KIFC3: variants seen among roughly 807,000 people sequenced by gnomAD.
KIFC3 encodes kinesin-like protein KIFC3.
Under a neutral mutation model 101.8 loss-of-function variants are expected in KIFC3, and 60 were observed. The ratio of observed to expected loss-of-function variants is 0.59; its 90% CI spans 0.48 to 0.73. The LOEUF (loss-of-function observed/expected upper bound fraction) is 0.73, where lower values mean the gene tolerates loss of function less well. KIFC3 is among the 30% of genes least tolerant of loss of function. The pLI, the probability that KIFC3 is intolerant of heterozygous loss-of-function variation, is 0.00. For synonymous variants in KIFC3, 476 were observed against 482.7 expected (o/e 0.99, Z 0.18); for missense variants, 966 against 1,137.1 (o/e 0.85, Z 2.16).
chr16:57,760,424 A>G lies in KIFC3; in HGVS notation c.2233-8T>C. 6.2e-7 allele frequency: 1 copy of G among 1,611,162 alleles called. No individual in the cohort carries two copies. The highest frequency in any genetic ancestry group is 8.5e-7 in the Non-Finnish European group (1 of 1,178,150). ...CTTCTCCACGGGGGACACCTAGGGG[A>G]CACGAGAGCTCACTGCCCACCCGGG... On this transcript the variant is annotated splice_region_variant and splice_polypyrimidine_tract_variant and intron_variant, in intron 16 of 19. Coordinates refer to ENST00000445690, the MANE Select transcript of KIFC3 (RefSeq NM_001130100.2).
intron 1 of KIFC3, among the ~76,000 whole-genome samples, chr16:57,838,693 C>T (rs2055746073): frequency 1.3e-5 from 2 of 152,160 alleles, no homozygotes; most frequent in South Asian, 4.1e-4. Context: ...AAGCAAAATG[C>T]TTTTAAGACC....
At chr16:57,820,060 G>A (rs2055317782) in intron 1 of KIFC3, among the ~76,000 whole-genome samples, 1 of 151,790 alleles carries the variant, frequency 6.6e-6, no homozygotes, top group East Asian at 1.9e-4. Flanking sequence ...GTAGAGATGG[G>A]GTTTCACTAT....
At chr16:57,783,492 GAC>G (rs2052979666) in intron 3 of KIFC3, among the ~76,000 whole-genome samples, 1 of 48,608 alleles carries the variant, frequency 2.1e-5, no homozygotes, top group Admixed American at 1.6e-4. Flanking sequence ...TTTTTTTTGA[GAC>G]AGAGTTTCAC....
chr16:57,766,903 T>G lies in KIFC3; in HGVS notation c.1301A>C (p.Lys434Thr), dbSNP rs1555603413. Reference sequence around the variant, plus strand: ...CAGCCGCACGAGCTCATTGTGGCACTTCTTACGCAGCTGCAGCTCGCGGCG... The same window carrying G: ...CAGCCGCACGAGCTCATTGTGGCACGTCTTACGCAGCTGCAGCTCGCGGCG... ...KYRRELQLRK[K>T]CHNELVRLKG... The change falls in exon 10 of 20, where the codon AAG becomes ACG. Residue 434 changes from lysine to threonine, a missense_variant. By Grantham distance (78) the Lys-to-Thr change is moderately conservative. Transcript: ENST00000445690. 5 of 1,611,598 alleles carry G rather than the reference T, an allele frequency of 3.1e-6. No individual in the cohort carries two copies. Among genetic ancestry groups the G allele is most frequent in the Non-Finnish European group, 4.2e-6 (5 of 1,179,984 alleles).
At chr16:57,822,455 A>T (rs1357474376) in intron 1 of KIFC3, among the ~76,000 whole-genome samples, 1 of 152,106 alleles carries the variant, frequency 6.6e-6, no homozygotes, top group Non-Finnish European at 1.5e-5. Flanking sequence ...TAATCCTAAC[A>T]CTTTGGGAGG....
intron 3 of KIFC3, among the ~76,000 whole-genome samples, chr16:57,772,625 AG>A (rs2051406929): frequency 6.6e-6 from 1 of 151,884 alleles, no homozygotes; most frequent in Non-Finnish European, 1.5e-5. Context: ...TCACTACACG[AG>A]CCCCTCCCAA....
At chr16:57,784,472 T>C (rs2053108465) in intron 3 of KIFC3, among the ~76,000 whole-genome samples, 1 of 152,172 alleles carries the variant, frequency 6.6e-6, no homozygotes, top group Non-Finnish European at 1.5e-5. Context: ...ACGCGCACAA[T>C]ATGCTGCCCC....
At chr16:57,762,348 C>A in intron 12 of KIFC3, 78 bp from the exon 13 acceptor site, 1 of 1,364,574 alleles carries the variant, frequency 7.3e-7, no homozygotes, top group South Asian at 1.6e-5. Context: ...CCCAAAGCCC[C>A]TTGACTACCC....
At chr16:57,812,048 T>C (rs1299437912) in intron 1 of KIFC3, among the ~76,000 whole-genome samples, 17 of 125,398 alleles carry the variant, frequency 1.4e-4, no homozygotes, top group African/African-American at 4.6e-4. Flanking sequence ...GTCTCTCTCT[T>C]TTTTTTTTTT....
At chr16:57,768,509 T>TCACTCACACACACACACA (rs2050744573) in intron 9 of KIFC3, among the ~76,000 whole-genome samples, 1 of 139,030 alleles carries the variant, frequency 7.2e-6, no homozygotes, top group African/African-American at 2.8e-5. Context: ...CCATATATTC[T>TCACTCACACACACACACA]CACACACACA....
At position 57,774,999 on chromosome 16, in the gene KIFC3, G is replaced by A. The variant is rs568223472; in HGVS notation, c.316-2711C>T. 81 of 1,533,562 alleles carry A rather than the reference G, an allele frequency of 5.3e-5. 2 individuals are homozygous for A. In the South Asian group the frequency reaches 8.5e-4, roughly 16 times the overall value. 95.0% of individuals were successfully genotyped at this position (1,533,562 alleles called of 1,614,324 possible). ...ACTAACCTTGATCATCTCCACTGCC[G>A]CCCCTGCCAGGCACTCAGACCCTGA... On this transcript the variant is annotated intron_variant, in intron 3 of 19. Coordinates refer to ENST00000445690, the MANE Select transcript of KIFC3 (RefSeq NM_001130100.2).
chr16:57,761,212 T>C, intron 14 of KIFC3, 41 bp from the exon 15 acceptor site: 1 of 1,608,734 alleles, frequency 6.2e-7, no homozygotes, highest in African/African-American at 1.3e-5. Context: ...GCGTTGAGAA[T>C]GGGGTCCTCA....
intron 13 of KIFC3, 54 bp downstream of exon 13, chr16:57,762,060 TGAGGACCTCGTTCCAGCACCACCCCG>T: frequency 4.1e-6 from 6 of 1,478,206 alleles, no homozygotes; most frequent in Non-Finnish European, 5.4e-6. Context: ...GGGTCCCACC[TGAGGACCTCGTTCCAGCACCACCCCG>T]GAGGACCCCA....
At chr16:57,768,953 A>G (rs1555605057) in intron 9 of KIFC3, among the ~76,000 whole-genome samples, 1 of 152,204 alleles carries the variant, frequency 6.6e-6, no homozygotes, top group East Asian at 1.9e-4. Flanking sequence ...GACTGCTTGA[A>G]GCCAGGAGTT....
Position 57,764,167 on chromosome 16 carries a change from G to A in KIFC3, c.1593C>T (p.Gly531=), listed in dbSNP as rs150774246. 439 of 1,609,166 alleles carry A rather than the reference G, an allele frequency of 2.7e-4. No individual in the cohort carries two copies. The highest frequency in any genetic ancestry group is 3.4e-4 in the Non-Finnish European group (397 of 1,177,672). ...NVCIFAYGQT[G]AGKTYTMEGT... is the part of the protein sequence containing the mutation. ...CCTCCATCGTGTACGTCTTGCCGGCGCCCGTCTGGCCGTACGCAAAGATGC... is the reference window on the plus strand; with the variant it reads ...CCTCCATCGTGTACGTCTTGCCGGCACCCGTCTGGCCGTACGCAAAGATGC... The change falls in exon 12 of 20, where the codon GGC becomes GGT. Residue 531 remains glycine, a synonymous_variant. Coordinates refer to ENST00000445690, the MANE Select transcript of KIFC3 (RefSeq NM_001130100.2).
chr16:57,771,692 G>A lies in KIFC3; in HGVS notation c.382-6C>T. On this transcript the variant is annotated splice_region_variant and splice_polypyrimidine_tract_variant and intron_variant, in intron 4 of 19. Transcript: ENST00000445690. The stretch of plus-strand genomic sequence containing the variant: ...TTCTCCAAGTCGGTGCCCCCCTGCA[G>A]AGAGCCAGGGCCGAGGGGGCGCATG... The A allele has an allele frequency of 1.2e-6, 2 of 1,609,960 alleles. No homozygotes were observed. Among genetic ancestry groups the A allele is most frequent in the Non-Finnish European group, 1.7e-6 (2 of 1,178,468 alleles).
At chr16:57,773,932 C>G (rs1206664909) in intron 3 of KIFC3, 1 of 151,906 alleles carries the variant, frequency 6.6e-6, no homozygotes, top group Non-Finnish European at 1.5e-5. Context: ...GATCCACCCC[C>G]ACCTCTGAGG....
rs542080415 is a variant in KIFC3 at position 57,790,974 on chromosome 16, C to T, written c.315+4025G>A. ...TCCTGCTGGGCGCAGTGGCTCACAC[C>T]TGTAATCCCAGCACTTTGAGAGGCT... On this transcript the variant is annotated intron_variant, in intron 3 of 19. Coordinates refer to ENST00000445690, the MANE Select transcript of KIFC3 (RefSeq NM_001130100.2). 6.1e-4 allele frequency: 593 copies of T among 976,236 alleles called. 1 individual carries two copies. The highest frequency in any genetic ancestry group is 7.0e-4 in the Non-Finnish European group (578 of 821,600). The allele number at this position is 976,236 out of a possible 1,614,324, so 60.5% of individuals were successfully genotyped here. A position where few individuals can be genotyped will look rare whatever the true frequency, so the allele number is the denominator to read the frequency against.
At chr16:57,766,216 C>G (rs1248632618) in intron 10 of KIFC3, among the ~76,000 whole-genome samples, 1 of 152,190 alleles carries the variant, frequency 6.6e-6, no homozygotes, top group Non-Finnish European at 1.5e-5. Context: ...AGAGGAAACA[C>G]CCCCCACTGC....
Sources: allele counts gnomAD v4.1 joint callset (sites outside exome capture counted in the v4.1 genomes callset), GRCh38; gene constraint gnomAD v4.1.1; transcripts MANE v1.5; gene names NCBI Gene and HGNC (gene_info 2026-07-23, HGNC 2026-07-21).